SLC14A2: variants seen among roughly 807,000 people sequenced by gnomAD.
The protein encoded by SLC14A2 is solute carrier family 14 member 2.
A neutral mutation model predicts 104.6 loss-of-function variants in SLC14A2; 91 were observed. The observed-to-expected ratio is 0.87, with a 90% confidence interval of 0.73 to 1.04. The LOEUF is 1.04. SLC14A2 is among the 50% of genes least tolerant of loss of function. The pLI, the probability that SLC14A2 is intolerant of heterozygous loss-of-function variation, is 0.00. For synonymous variants in SLC14A2, 476 were observed against 466.4 expected (o/e 1.02, Z -0.27); for missense variants, 1,189 against 1,156.0 (o/e 1.03, Z -0.41).
intron 1 of SLC14A2, among the ~76,000 whole-genome samples, chr18:45,290,591 AG>A (rs1475698448): frequency 6.6e-6 from 1 of 152,214 alleles, no homozygotes; most frequent in Non-Finnish European, 1.5e-5. Flanking sequence ...CATGTGACTA[AG>A]AACTTGAAAT....
chr18:45,594,934 A>C (rs2044699911), intron 2 of SLC14A2, among the ~76,000 whole-genome samples: 1 of 151,870 alleles, frequency 6.6e-6, no homozygotes. Context: ...CAACTTCCCC[A>C]CCGACCCCCA....
chr18:45,175,827 C>T, the SLC14A2 span, among the ~76,000 whole-genome samples: 3 of 152,150 alleles, frequency 2.0e-5, no homozygotes, highest in Non-Finnish European at 4.4e-5. Context: ...GGGAGTAAAA[C>T]ATAAGGGTCT....
At chr18:45,542,974 A>C (rs1228781076) in intron 2 of SLC14A2, among the ~76,000 whole-genome samples, 1 of 151,836 alleles carries the variant, frequency 6.6e-6, no homozygotes, top group Non-Finnish European at 1.5e-5. Context: ...TTTGAGATGG[A>C]GTCTCACCTC....
intron 2 of SLC14A2, among the ~76,000 whole-genome samples, chr18:45,593,131 C>G (rs936294143): frequency 8.5e-5 from 13 of 152,112 alleles, no homozygotes; most frequent in African/African-American, 3.1e-4. Context: ...TCCTGGCTAA[C>G]ATGGTGAAAC....
At chr18:45,681,799 T>A (rs1035628698) in intron 19 of SLC14A2, among the ~76,000 whole-genome samples, 12 of 152,216 alleles carry the variant, frequency 7.9e-5, no homozygotes, top group African/African-American at 2.7e-4. Flanking sequence ...GTTCAACTAT[T>A]CAAGAGAGGG....
In SLC14A2 at chr18:45,681,086, C is replaced by T. The variant is rs1344333721; in HGVS notation, c.2563-1233C>T. On this transcript the variant is annotated intron_variant, in intron 19 of 19. Coordinates refer to ENST00000255226, the MANE Select transcript of SLC14A2 (RefSeq NM_007163.4). ...TTTTTTTTTTTTTTTTTTTTTGAGA[C>T]GGAGTCTCGCTCTGTCGCCCAGGCT... Among the ~76,000 whole-genome samples, 2 of 1,274 alleles carry T rather than the reference C, an allele frequency of 1.6e-3. 1 individual carries two copies. The highest frequency in any genetic ancestry group is 1.6e-3 in the African/African-American group (2 of 1,250). The allele number at this position is 1,274 out of a possible 152,430, so 0.8% of individuals were successfully genotyped here.
chr18:45,683,422 C>T lies in SLC14A2; in HGVS notation c.*903C>T, dbSNP rs1202580045. On this transcript the variant is annotated 3_prime_UTR_variant, in exon 20 of 20. Coordinates refer to ENST00000255226, the MANE Select transcript of SLC14A2 (RefSeq NM_007163.4). ...GACAACAAGTAATTTAAGTAAAGGA[C>T]AGAAGGGTTACCCAAGAAGAGGCAG... The T allele has an allele frequency of 1.3e-5, 2 of 152,160 alleles. No homozygotes were observed. Among genetic ancestry groups the T allele is most frequent in the African/African-American group, 4.8e-5 (2 of 41,440 alleles). 9.4% of individuals were successfully genotyped at this position (152,160 alleles called of 1,614,324 possible). A position where few individuals can be genotyped will look rare whatever the true frequency, so the allele number is the denominator to read the frequency against.
At chr18:45,490,706 G>A (rs1346148786) in intron 2 of SLC14A2, among the ~76,000 whole-genome samples, 1 of 152,204 alleles carries the variant, frequency 6.6e-6, no homozygotes, top group African/African-American at 2.4e-5. Flanking sequence ...TGCAATGCAT[G>A]TGACCTAAAA....
intron 2 of SLC14A2, among the ~76,000 whole-genome samples, chr18:45,553,660 C>A (rs1209185858): frequency 6.6e-6 from 1 of 152,108 alleles, no homozygotes; most frequent in African/African-American, 2.4e-5. Context: ...TTATTCCTCC[C>A]AAATATTATG....
chr18:45,310,792 C>T (rs1383659330), intron 1 of SLC14A2, among the ~76,000 whole-genome samples: 2 of 152,208 alleles, frequency 1.3e-5, no homozygotes, highest in African/African-American at 4.8e-5. Flanking sequence ...AAAGCCAAAG[C>T]AGGTCATTGA....
At chr18:45,482,298 T>C (rs1046730521) in intron 1 of SLC14A2, among the ~76,000 whole-genome samples, 1 of 152,196 alleles carries the variant, frequency 6.6e-6, no homozygotes, top group African/African-American at 2.4e-5. Context: ...CATATTAACA[T>C]ATGAAGCAGC....
intron 1 of SLC14A2, among the ~76,000 whole-genome samples, chr18:45,377,307 C>A (rs2085786221): frequency 6.6e-6 from 1 of 151,834 alleles, no homozygotes; most frequent in South Asian, 2.1e-4. Flanking sequence ...ATATTCTCCC[C>A]AAATCTCCTG....
At chr18:45,311,112 A>G (rs1225665975) in intron 1 of SLC14A2, among the ~76,000 whole-genome samples, 1 of 152,202 alleles carries the variant, frequency 6.6e-6, no homozygotes, top group Non-Finnish European at 1.5e-5. Flanking sequence ...AACAAGGAAG[A>G]AAAAAGCATT....
chr18:45,634,974 A>G (rs2045396168), intron 5 of SLC14A2: 3 of 402,754 alleles, frequency 7.4e-6, no homozygotes, highest in South Asian at 5.5e-5. Flanking sequence ...GGTCTGGGGT[A>G]TATTTTAAAG....
At chr18:45,430,751 T>C (rs1237156463) in intron 1 of SLC14A2, among the ~76,000 whole-genome samples, 1 of 152,182 alleles carries the variant, frequency 6.6e-6, no homozygotes, top group East Asian at 1.9e-4. Context: ...AATTGTTTTT[T>C]GTATTTTTAG....
chr18:45,341,698 T>G (rs967623818), intron 1 of SLC14A2, among the ~76,000 whole-genome samples: 12 of 144,046 alleles, frequency 8.3e-5, no homozygotes, highest in Non-Finnish European at 1.5e-4. Flanking sequence ...GTTCAAGCAA[T>G]TCTCCTGCCT....
chr18:45,396,485 A>G (rs2086032053), intron 1 of SLC14A2, among the ~76,000 whole-genome samples: 1 of 152,180 alleles, frequency 6.6e-6, no homozygotes, highest in African/African-American at 2.4e-5. Flanking sequence ...ATACTTAAAA[A>G]TGTCAAAATT....
chr18:45,450,065 C>T (rs764660511), intron 1 of SLC14A2, among the ~76,000 whole-genome samples: 1 of 152,230 alleles, frequency 6.6e-6, no homozygotes, highest in Admixed American at 6.5e-5. Flanking sequence ...CTTCTATGAA[C>T]CATTTATATA....
At chr18:45,202,921 A>G in the SLC14A2 span, among the ~76,000 whole-genome samples, 502 of 152,254 alleles carry the variant, frequency 3.3e-3, 8 homozygotes, top group South Asian at 8.3e-4. Context: ...TAAAGAAAAA[A>G]AAGGAGGAAA....
Sources: allele counts gnomAD v4.1 joint callset (sites outside exome capture counted in the v4.1 genomes callset), GRCh38; gene constraint gnomAD v4.1.1; transcripts MANE v1.5; gene names NCBI Gene and HGNC (gene_info 2026-07-23, HGNC 2026-07-21).